The following DAB1 variants were observed in gnomAD, a reference collection of about 807,000 sequenced individuals.
DAB1 encodes the protein DAB adaptor protein 1.
DAB1 carries 15 observed loss-of-function variants against 64.6 expected under a neutral mutation model. The ratio of observed to expected loss-of-function variants is 0.23; its 90% confidence interval spans 0.16 to 0.36. DAB1 has a LOEUF of 0.36. DAB1 is among the 10% of genes least tolerant of loss of function. The probability of loss-of-function intolerance (pLI) is 1.00; values close to 1 mark genes in which losing one functional copy is unlikely to be tolerated. For synonymous variants in DAB1, 235 were observed against 251.9 expected, an observed-to-expected ratio of 0.93 and a Z score of 0.64; for missense variants, 596 against 706.7, an observed-to-expected ratio of 0.84 and a Z score of 1.78.
chr1:57,569,391 G>A (rs1428981037), intron 7 of DAB1, among the ~76,000 whole-genome samples: 1 of 151,970 alleles, frequency 6.6e-6, no homozygotes, highest in Non-Finnish European at 1.5e-5. Context: ...TATACACCAT[G>A]GAATACTATG....
At chr1:57,892,944 T>A (rs966804770) in intron 5 of DAB1, among the ~76,000 whole-genome samples, 1 of 151,934 alleles carries the variant, frequency 6.6e-6, no homozygotes, top group African/African-American at 2.4e-5. Context: ...TTAATTAGCA[T>A]CAGAATCATC....
chr1:57,773,629 T>G (rs369304757), intron 6 of DAB1, among the ~76,000 whole-genome samples: 13 of 152,210 alleles, frequency 8.5e-5, no homozygotes, highest in Admixed American at 4.6e-4. Flanking sequence ...AGGAGCTTTA[T>G]CATTTCAGCC....
intron 6 of DAB1, among the ~76,000 whole-genome samples, chr1:57,726,714 T>A (rs1463530234): frequency 6.6e-6 from 1 of 152,188 alleles, no homozygotes; most frequent in Non-Finnish European, 1.5e-5. Flanking sequence ...ATTTTGTTGA[T>A]GGGGAGAATT....
intron 4 of DAB1, among the ~76,000 whole-genome samples, chr1:58,233,218 A>G (rs1411589899): frequency 6.6e-6 from 1 of 152,216 alleles, no homozygotes; most frequent in Non-Finnish European, 1.5e-5. Flanking sequence ...TGTAGAGAGG[A>G]GGAGGAGAAA....
At chr1:57,536,915 C>A (rs759577516) in intron 7 of DAB1, among the ~76,000 whole-genome samples, 2 of 152,166 alleles carry the variant, frequency 1.3e-5, no homozygotes, top group Admixed American at 6.5e-5. Context: ...TCAGGCCTGG[C>A]ACCAGATGCT....
intron 5 of DAB1, among the ~76,000 whole-genome samples, chr1:57,985,028 C>G (rs1473338410): frequency 6.6e-6 from 1 of 152,118 alleles, no homozygotes; most frequent in African/African-American, 2.4e-5. Flanking sequence ...CCTGCCTCAC[C>G]TCTCAAGTAG....
intron 5 of DAB1, among the ~76,000 whole-genome samples, chr1:58,051,666 A>G (rs1647678810): frequency 1.3e-5 from 2 of 152,298 alleles, no homozygotes; most frequent in South Asian, 4.2e-4. Context: ...TCCCATGAAC[A>G]GTGTAAAAGC....
intron 7 of DAB1, among the ~76,000 whole-genome samples, chr1:57,523,781 C>T (rs914472730): frequency 5.3e-5 from 8 of 151,774 alleles, no homozygotes; most frequent in Admixed American, 2.6e-4. Context: ...AAAAATTAGC[C>T]GGGTGTGATG....
At chr1:58,360,060 A>AT (rs1644150821) in intron 3 of DAB1, among the ~76,000 whole-genome samples, 1 of 152,154 alleles carries the variant, frequency 6.6e-6, no homozygotes, top group Non-Finnish European at 1.5e-5. Context: ...ATGGTACTAA[A>AT]TGTTCAGTTC....
upstream of DAB1, among the ~76,000 whole-genome samples, chr1:57,424,827 A>T (rs1303279144): frequency 6.6e-6 from 1 of 152,136 alleles, no homozygotes; most frequent in Non-Finnish European, 1.5e-5. Context: ...GTCAGTCCTC[A>T]GGAGAGACCC....
chr1:57,703,011 T>C (rs994611598), intron 6 of DAB1, among the ~76,000 whole-genome samples: 3 of 152,170 alleles, frequency 2.0e-5, no homozygotes, highest in Non-Finnish European at 4.4e-5. Flanking sequence ...ACTGGACCTC[T>C]TCCTTACACC....
At chr1:58,159,390 G>A (rs184519643) in intron 4 of DAB1, among the ~76,000 whole-genome samples, 9 of 152,268 alleles carry the variant, frequency 5.9e-5, no homozygotes, top group Admixed American at 3.3e-4. Context: ...AACATACTAT[G>A]TTATTCCTAT....
chr1:57,119,482 A>G (rs1246066536), intron 4 of DAB1, among the ~76,000 whole-genome samples: 1 of 152,156 alleles, frequency 6.6e-6, no homozygotes, highest in Non-Finnish European at 1.5e-5. Context: ...ACAGTTATTC[A>G]TACTATACAT....
At chr1:58,483,959 A>G (rs919419586) in intron 3 of DAB1, among the ~76,000 whole-genome samples, 1 of 152,240 alleles carries the variant, frequency 6.6e-6, no homozygotes, top group African/African-American at 2.4e-5. Flanking sequence ...GGAGTCCAGC[A>G]GGTAACAACT....
intron 4 of DAB1, among the ~76,000 whole-genome samples, chr1:58,324,827 T>C (rs978830362): frequency 6.6e-6 from 1 of 152,014 alleles, no homozygotes; most frequent in African/African-American, 2.4e-5. Flanking sequence ...TCAGAATATA[T>C]CCCCCTACCT....
chr1:57,679,871 C>T (rs1646616102), intron 6 of DAB1, among the ~76,000 whole-genome samples: 1 of 152,178 alleles, frequency 6.6e-6, no homozygotes, highest in South Asian at 2.1e-4. Context: ...GATATCATCT[C>T]ATTTAGCTAA....
intron 6 of DAB1, among the ~76,000 whole-genome samples, chr1:57,692,135 G>C (rs1380976276): frequency 6.6e-6 from 1 of 152,020 alleles, no homozygotes; most frequent in African/African-American, 2.4e-5. Context: ...TCAAAGTCAC[G>C]TTGCCCAAGT....
At chr1:58,203,190 G>A (rs911247677) in intron 4 of DAB1, among the ~76,000 whole-genome samples, 3 of 152,158 alleles carry the variant, frequency 2.0e-5, no homozygotes, top group Admixed American at 6.5e-5. Context: ...TTTTTCTGCC[G>A]TGTGTTCCTT....
rs1178257449 is a variant in DAB1, at chr1:58,052,201, C to T, written n.387+98310G>A. Among the ~76,000 whole-genome samples, 10 of 152,244 alleles carry T rather than the reference C, an allele frequency of 6.6e-5. No individual in the cohort carries two copies. In the East Asian group the frequency reaches 9.6e-4, roughly 15 times the overall value. ...AGGTCTAACATTCAAGTCTTTAATC[C>T]ATCTTGAATTAATTTTTGTATAAGA... On this transcript the variant is annotated intron_variant and non_coding_transcript_variant, in intron 5 of 20. Coordinates refer to the DAB1 transcript ENST00000485760.
Sources: allele counts gnomAD v4.1 joint callset (sites outside exome capture counted in the v4.1 genomes callset), GRCh38; gene constraint gnomAD v4.1.1; transcripts MANE v1.5; gene names NCBI Gene and HGNC (gene_info 2026-07-23, HGNC 2026-07-21).